TCAIM: variants seen among roughly 807,000 people sequenced by gnomAD.
The protein encoded by TCAIM is T cell activation inhibitor, mitochondrial.
Under a neutral mutation model 58.6 loss-of-function variants are expected in TCAIM, and 36 were observed. The ratio of observed to expected loss-of-function variants is 0.61; its 90% confidence interval spans 0.47 to 0.81. TCAIM has a LOEUF of 0.81. Ranked by LOEUF, TCAIM falls within the 30% of genes least tolerant of loss-of-function variation. The probability of loss-of-function intolerance (pLI) is 0.00; values close to 1 mark genes in which losing one functional copy is unlikely to be tolerated. For missense variants in TCAIM, 466 were observed against 579.6 expected (o/e 0.80, Z 2.01); for synonymous variants, 172 against 193.6 (o/e 0.89, Z 0.93).
chr3:44,367,441 A>G lies in TCAIM; in HGVS notation c.320-15A>G. ...ATCATCTGTATTAATTGTTTGGGGGAATTATATTCTCTAGGATTTCGAGCA... is the reference window on the plus strand; with the variant it reads ...ATCATCTGTATTAATTGTTTGGGGGGATTATATTCTCTAGGATTTCGAGCA... On this transcript the variant is annotated splice_polypyrimidine_tract_variant and intron_variant, in intron 4 of 10. Coordinates refer to ENST00000342649, the MANE Select transcript of TCAIM (RefSeq NM_173826.4). 1 of 1,592,880 alleles carries G rather than the reference A, an allele frequency of 6.3e-7. No individual in the cohort carries two copies. The highest frequency in any genetic ancestry group is 8.6e-7 in the Non-Finnish European group (1 of 1,166,924).
intron 2 of TCAIM, among the ~76,000 whole-genome samples, chr3:44,356,689 G>A (rs982465899): frequency 6.6e-6 from 1 of 151,894 alleles, no homozygotes; most frequent in Non-Finnish European, 1.5e-5. Context: ...ATCACGGCCA[G>A]GTATGGTGGC....
At position 44,400,594 on chromosome 3, in the gene TCAIM, A is replaced by G. The variant is rs373257506; in HGVS notation, c.1118+7A>G. 2 of 1,602,072 alleles carry G rather than the reference A, an allele frequency of 1.2e-6. No individual in the cohort carries two copies. Among genetic ancestry groups the G allele is most frequent in the South Asian group, 2.2e-5 (2 of 90,710 alleles). Reference sequence around the variant, plus strand: ...TACAAATGATCCTTAACAGGTAAATATCTAAGATAGAAGGATTACTTTTAT... The same window carrying G: ...TACAAATGATCCTTAACAGGTAAATGTCTAAGATAGAAGGATTACTTTTAT... On this transcript the variant is annotated splice_region_variant and intron_variant, in intron 9 of 10. Coordinates refer to ENST00000342649, the MANE Select transcript of TCAIM (RefSeq NM_173826.4).
chr3:44,368,438 A>G (rs750167031), intron 5 of TCAIM, among the ~76,000 whole-genome samples: 1 of 152,216 alleles, frequency 6.6e-6, no homozygotes, highest in African/African-American at 2.4e-5. Context: ...TGGATTATCT[A>G]TACTAAGGGA....
intron 10 of TCAIM, among the ~76,000 whole-genome samples, chr3:44,405,965 A>G (rs2125659462): frequency 6.6e-6 from 1 of 152,064 alleles, no homozygotes; most frequent in South Asian, 2.1e-4. Flanking sequence ...AAAAAAAAAA[A>G]AAAAAAATTA....
intron 9 of TCAIM, 61 bp downstream of exon 9, chr3:44,400,648 A>G (rs1702008869): frequency 1.5e-6 from 2 of 1,370,218 alleles, no homozygotes; most frequent in Non-Finnish European, 2.1e-6. Flanking sequence ...TGTGTGTGTA[A>G]ATGCATTAAA....
intron 1 of TCAIM, among the ~76,000 whole-genome samples, chr3:44,349,334 C>T (rs764583767): frequency 2.1e-4 from 32 of 152,092 alleles, no homozygotes; most frequent in Non-Finnish European, 3.8e-4. Flanking sequence ...TTGAAAGTGC[C>T]GTTTTCTGGC....
At chr3:44,340,865 C>T (rs1700841796) in intron 1 of TCAIM, 2 of 152,180 alleles carry the variant, frequency 1.3e-5, no homozygotes, top group South Asian at 4.1e-4. Context: ...CTCCTTCCTA[C>T]CCTGTCCCTT....
At position 44,408,528 on chromosome 3, in the gene TCAIM, C is replaced by G. The variant is rs1702135300; in HGVS notation, c.*846C>G. ...ATTTAATTTTAAACCCATAATTTCT[C>G]CTATCCATTAAAATATTATAATTGT... is the stretch of plus-strand genomic sequence containing the variant. On this transcript the variant is annotated 3_prime_UTR_variant, in exon 11 of 11. Coordinates refer to ENST00000342649, the MANE Select transcript of TCAIM (RefSeq NM_173826.4). 6.6e-6 allele frequency: 1 copy of G among 152,122 alleles called. No individual in the cohort carries two copies. 9.4% of individuals were successfully genotyped at this position (152,122 alleles called of 1,614,324 possible).
intron 10 of TCAIM, among the ~76,000 whole-genome samples, chr3:44,406,302 T>C (rs1384384967): frequency 6.6e-6 from 1 of 152,252 alleles, no homozygotes; most frequent in Non-Finnish European, 1.5e-5. Flanking sequence ...GTTGTTAATA[T>C]CTTTTCTTGA....
chr3:44,360,998 T>C (rs946803605), intron 3 of TCAIM, among the ~76,000 whole-genome samples: 1 of 152,264 alleles, frequency 6.6e-6, no homozygotes, highest in African/African-American at 2.4e-5. Context: ...TATCCCACAC[T>C]TGCCTGCAGG....
chr3:44,357,692 T>G (rs1257498718), intron 2 of TCAIM, 49 bp from the exon 3 acceptor site: 1 of 1,605,104 alleles, frequency 6.2e-7, no homozygotes, highest in Non-Finnish European at 8.5e-7. Context: ...TGAGGATTTG[T>G]GTGTGTGTGA....
intron 1 of TCAIM, 47 bp from the exon 2 acceptor site, chr3:44,354,692 A>G: frequency 7.3e-7 from 1 of 1,367,814 alleles, no homozygotes; most frequent in African/African-American, 1.5e-5. Flanking sequence ...TGTGTTTTAC[A>G]TTTAAAATTC....
At chr3:44,407,152 A>T (rs1702113134) in intron 10 of TCAIM, among the ~76,000 whole-genome samples, 1 of 152,228 alleles carries the variant, frequency 6.6e-6, no homozygotes, top group Admixed American at 6.5e-5. Flanking sequence ...GCTGCTAGGT[A>T]AGGCAATATA....
Position 44,358,329 on chromosome 3 carries a change from A to G in TCAIM, c.165+453A>G, listed in dbSNP as rs776420817. On this transcript the variant is annotated intron_variant, in intron 3 of 10. Transcript: ENST00000342649. ...GTGTGCTCCAGGAATACAAACTGAT[A>G]TGAAAAATGACTTATGGTAGATGTA... 11 of 792,158 alleles carry G rather than the reference A, an allele frequency of 1.4e-5. No homozygotes were observed. The East Asian group carries it at 1.8e-4, about 13-fold the overall frequency. The allele number at this position is 792,158 out of a possible 1,614,324, so 49.1% of individuals were successfully genotyped here.
rs373850875 is a variant in TCAIM, at chr3:44,403,380, CTT to C, written c.1250+2049_1250+2050del. Among the ~76,000 whole-genome samples, 778 of 152,324 alleles carry C rather than the reference CTT, an allele frequency of 5.1e-3. 10 individuals carry two copies. The highest frequency in any genetic ancestry group is 0.018 in the African/African-American group (744 of 41,578). On this transcript the variant is annotated intron_variant, in intron 10 of 10. Transcript: ENST00000342649. ...TAAAGTAAATGAAGGAGCAGCATCT[CTT>C]TTGTTTTCCTGTTTTCCTTATGGAA...
At chr3:44,398,445 TTAGATAGATAGATAGATAGATAGA>T (rs58163075) in intron 8 of TCAIM, among the ~76,000 whole-genome samples, 7 of 145,346 alleles carry the variant, frequency 4.8e-5, no homozygotes, top group South Asian at 2.3e-4. Context: ...GATACAAAGA[TTAGATAGATAGATAGATAGATAGA>T]TAGATAGATA....
intron 3 of TCAIM, 30 bp downstream of exon 3, chr3:44,357,906 G>C (rs1701228290): frequency 6.2e-7 from 1 of 1,607,420 alleles, no homozygotes; most frequent in African/African-American, 1.3e-5. Flanking sequence ...TAAACCATTA[G>C]TGTACATTTC....
intron 10 of TCAIM, among the ~76,000 whole-genome samples, chr3:44,406,011 G>A (rs1702095268): frequency 6.6e-6 from 1 of 151,696 alleles, no homozygotes; most frequent in African/African-American, 2.4e-5. Context: ...CAAGGATGAG[G>A]AAAGGCTGGT....
intron 1 of TCAIM, among the ~76,000 whole-genome samples, chr3:44,349,524 G>A (rs1272695430): frequency 6.6e-6 from 1 of 152,122 alleles, no homozygotes; most frequent in African/African-American, 2.4e-5. Context: ...AGAGAGGGTA[G>A]AGACATGGAG....
Sources: gnomAD v4.1 joint callset for allele counts (sites outside exome capture counted in the v4.1 genomes callset) on GRCh38, gnomAD v4.1.1 for gene constraint, MANE v1.5 for transcripts, NCBI Gene and HGNC (gene_info 2026-07-23, HGNC 2026-07-21) for gene names.